The following PPM1D variants were observed in gnomAD, a reference collection of about 807,000 sequenced individuals.
PPM1D encodes protein phosphatase 1D.
PPM1D carries 52 observed loss-of-function variants against 58.3 expected under a neutral mutation model. That is an observed-to-expected ratio of 0.89 (90% CI 0.71 to 1.12). The LOEUF (loss-of-function observed/expected upper bound fraction) is 1.12, where lower values mean the gene tolerates loss of function less well. PPM1D is among the 50% of genes most tolerant of loss of function. The pLI is 0.00. For synonymous variants in PPM1D, 278 were observed against 285.1 expected (o/e 0.98, Z 0.25); for missense variants, 564 against 777.2 (o/e 0.73, Z 3.26).
At chr17:60,612,769 T>G (rs2030487014) in intron 1 of PPM1D, among the ~76,000 whole-genome samples, 1 of 151,800 alleles carries the variant, frequency 6.6e-6, no homozygotes, top group Non-Finnish European at 1.5e-5. Flanking sequence ...CGAGAATAAA[T>G]AAGAAACAGC....
chr17:60,637,669 A>G (rs1246168934), intron 3 of PPM1D, among the ~76,000 whole-genome samples: 1 of 152,162 alleles, frequency 6.6e-6, no homozygotes, highest in Non-Finnish European at 1.5e-5. Flanking sequence ...GAGGTCATGT[A>G]GGGATTGAGT....
intron 4 of PPM1D, among the ~76,000 whole-genome samples, chr17:60,654,639 A>G (rs1408939693): frequency 6.6e-6 from 1 of 151,818 alleles, no homozygotes; most frequent in Admixed American, 6.6e-5. Flanking sequence ...AGGCAGGCAG[A>G]TCACCTAAGA....
intron 3 of PPM1D, among the ~76,000 whole-genome samples, chr17:60,645,659 T>TATATAC (rs1555647717): frequency 7.2e-6 from 1 of 138,060 alleles, no homozygotes; most frequent in African/African-American, 2.8e-5. Context: ...TATATATATA[T>TATATAC]ACACACACAC....
chr17:60,630,843 T>G (rs760779596), intron 2 of PPM1D, among the ~76,000 whole-genome samples: 5 of 152,188 alleles, frequency 3.3e-5, no homozygotes, highest in Non-Finnish European at 7.3e-5. Context: ...TAGCAAAGAA[T>G]AATAGAGCTT....
At position 60,656,726 on chromosome 17, in the gene PPM1D, A is replaced by G. The variant is rs1259020198; in HGVS notation, c.1145A>G (p.Gln382Arg). ...VICISPEVDN[Q>R]GNFTNEDELY... ...TGCATCTCTCCAGAAGTGGACAATC[A>G]GGGAAACTTTACCAATGAAGATGAG... The change falls in exon 5 of 6, where the codon CAG becomes CGG. Residue 382 changes from glutamine (Q) to arginine (R), a missense_variant. Gln to Arg is a conservative substitution (Grantham distance 43). Transcript: ENST00000305921. 6.2e-7 allele frequency: 1 copy of G among 1,614,230 alleles called. No individual in the cohort carries two copies. The highest frequency in any genetic ancestry group is 2.2e-5 in the East Asian group (1 of 44,892).
chr17:60,636,340 A>G (rs1357451587), intron 3 of PPM1D, among the ~76,000 whole-genome samples: 1 of 152,208 alleles, frequency 6.6e-6, no homozygotes, highest in African/African-American at 2.4e-5. Context: ...TATTTATTAA[A>G]TACCTGCTAT....
chr17:60,659,752 A>G (rs1174716785), intron 5 of PPM1D, among the ~76,000 whole-genome samples: 2 of 152,218 alleles, frequency 1.3e-5, no homozygotes, highest in Admixed American at 6.5e-5. Context: ...AGGCCTTAGC[A>G]ATACAAATTA....
chr17:60,612,131 C>T (rs1008682231), intron 1 of PPM1D, among the ~76,000 whole-genome samples: 14 of 152,160 alleles, frequency 9.2e-5, no homozygotes, highest in African/African-American at 1.2e-4. Flanking sequence ...TTGACATATG[C>T]GCATGTCAAG....
chr17:60,601,099 A>G (rs982950635), intron 1 of PPM1D, among the ~76,000 whole-genome samples: 2 of 152,120 alleles, frequency 1.3e-5, no homozygotes, highest in Non-Finnish European at 2.9e-5. Flanking sequence ...CCTGCAGCCT[A>G]TTCTTGCTTT....
rs1462971814 is a variant in PPM1D, at chr17:60,600,254, C to G, written c.-161C>G. ...GGCGCTCCGGCCCAGCTCTCGCGGA[C>G]AAGTCCAGACATCGCGCGCCCCCCC... On this transcript the variant is annotated 5_prime_UTR_variant, in exon 1 of 6. Transcript: ENST00000305921. 8.8e-6 allele frequency: 12 copies of G among 1,357,418 alleles called. No individual in the cohort carries two copies. The highest frequency in any genetic ancestry group is 3.0e-5 in the South Asian group (2 of 66,332). 84.1% of individuals were successfully genotyped at this position (1,357,418 alleles called of 1,614,324 possible). A position where few individuals can be genotyped will look rare whatever the true frequency, so the allele number is the denominator to read the frequency against.
chr17:60,647,976 A>G lies in PPM1D; in HGVS notation c.911A>G (p.Gln304Arg). The G allele has an allele frequency of 6.2e-7, 1 of 1,613,952 alleles. No individual in the cohort carries two copies. Among genetic ancestry groups the G allele is most frequent in the Non-Finnish European group, 8.5e-7 (1 of 1,179,836 alleles). The change falls in exon 4 of 6, where the codon CAG (glutamine) becomes CGG (arginine). Residue 304 changes from glutamine (Q) to arginine (R), a missense_variant. Gln to Arg is a conservative substitution (Grantham distance 43, BLOSUM62 1). Around this residue, in one of 7 missense-constraint regions of PPM1D, gnomAD observed 95 missense variants for 232.6 expected, o/e 0.41. Transcript: ENST00000305921. ...ACAAGTGTCCACACTCTTGACCCTC[A>G]GAAGCACAAGTATATTATATTGGGG... ...PDTSVHTLDP[Q>R]KHKYIILGSD...
intron 2 of PPM1D, among the ~76,000 whole-genome samples, chr17:60,633,009 C>T (rs894302046): frequency 5.3e-5 from 8 of 151,506 alleles, no homozygotes; most frequent in Middle Eastern, 6.8e-3. Context: ...TGGCTGGGCA[C>T]GGTGGCTGAC....
chr17:60,653,845 A>G (rs2031386542), intron 4 of PPM1D, among the ~76,000 whole-genome samples: 1 of 152,158 alleles, frequency 6.6e-6, no homozygotes, highest in Admixed American at 6.6e-5. Flanking sequence ...TGCTGTTGGT[A>G]TATGTAAATG....
At chr17:60,604,978 C>T (rs1226235559) in intron 1 of PPM1D, among the ~76,000 whole-genome samples, 1 of 151,362 alleles carries the variant, frequency 6.6e-6, no homozygotes, top group East Asian at 1.9e-4. Flanking sequence ...GCCATCATAC[C>T]CAGCTAATTT....
In PPM1D at chr17:60,630,593, T is replaced by C. The variant is rs552813887; in HGVS notation, c.702-3260T>C. On this transcript the variant is annotated intron_variant, in intron 2 of 5. Transcript: ENST00000305921. ...CCTTTTTACATGCCTTTTAATCATA[T>C]AGGACAACAACAGGAAGTGCAGTAA... is the stretch of plus-strand genomic sequence containing the variant. 3.3e-5 allele frequency among the ~76,000 whole-genome samples: 5 copies of C among 152,220 alleles called. 1 individual carries two copies. In the East Asian group the frequency reaches 7.7e-4, roughly 23 times the overall value.
intron 1 of PPM1D, among the ~76,000 whole-genome samples, chr17:60,611,682 G>T (rs998221605): frequency 6.6e-6 from 1 of 152,090 alleles, no homozygotes; most frequent in African/African-American, 2.4e-5. Context: ...GCCTCCCAAA[G>T]CGCTGGGATT....
rs373778062 is a variant in PPM1D at position 60,663,410 on chromosome 17, G to A, written c.1676G>A (p.Ser559Asn). ...KHRRNGLSRS[S>N]GAQPASLPTT... ...AGACGAAATGGCTTAAGTCGAAGTA[G>A]TGGTGCTCAGCCTGCAAGTCTCCCC... Residue 559 changes from serine to asparagine, a missense_variant, in exon 6 of 6, where the codon AGT becomes AAT. Coordinates refer to ENST00000305921, the MANE Select transcript of PPM1D (RefSeq NM_003620.4). 6.8e-6 allele frequency: 11 copies of A among 1,614,080 alleles called. No homozygotes were observed. The highest frequency in any genetic ancestry group is 8.5e-6 in the Non-Finnish European group (10 of 1,180,060).
intron 3 of PPM1D, among the ~76,000 whole-genome samples, chr17:60,636,779 G>A (rs1011656718): frequency 6.6e-6 from 1 of 151,756 alleles, no homozygotes; most frequent in Non-Finnish European, 1.5e-5. Flanking sequence ...GGGCTCAAGT[G>A]TTCCCCCAGC....
chr17:60,615,993 G>A (rs1417224569), intron 1 of PPM1D, among the ~76,000 whole-genome samples: 1 of 152,018 alleles, frequency 6.6e-6, no homozygotes, highest in Non-Finnish European at 1.5e-5. Flanking sequence ...ACCCAGCTAT[G>A]TAAGATTAAT....
Sources: gnomAD v4.1 joint callset for allele counts (sites outside exome capture counted in the v4.1 genomes callset) on GRCh38, gnomAD v4.1.1 for gene constraint, gnomAD v4.1.1 regional missense constraint, MANE v1.5 for transcripts, NCBI Gene and HGNC (gene_info 2026-07-23, HGNC 2026-07-21) for gene names.